Variants in IGSF11 observed in about 807,000 individuals in gnomAD.
The protein encoded by IGSF11 is CXADR like 1.
In IGSF11, 22 loss-of-function variants were observed where a neutral mutation model predicts 41.0. That is an observed-to-expected ratio of 0.54 (90% CI 0.38 to 0.77). The LOEUF is 0.77. Among genes scored for constraint, IGSF11 ranks in the 30% least tolerant of loss-of-function variants. The pLI, the probability that IGSF11 is intolerant of heterozygous loss-of-function variation, is 0.00. For missense variants in IGSF11, 444 were observed against 530.8 expected (o/e 0.84, Z 1.61); for synonymous variants, 219 against 201.3 (o/e 1.09, Z -0.74).
In IGSF11 at chr3:119,044,977, A is replaced by G. The variant is rs143539638; in HGVS notation, c.49+60167T>C. Among the ~76,000 whole-genome samples the G allele has an allele frequency of 3.6e-3, 542 of 152,354 alleles. 2 individuals are homozygous for G. The highest frequency in any genetic ancestry group is 5.9e-3 in the Non-Finnish European group (401 of 68,032). ...TTAAAGCACAAATCTCACAGGACCTATAAAACAATAACACAGTTAAAAAAA... is the reference window on the plus strand; with the variant it reads ...TTAAAGCACAAATCTCACAGGACCTGTAAAACAATAACACAGTTAAAAAAA... On this transcript the variant is annotated intron_variant, in intron 1 of 6. Coordinates refer to the IGSF11 transcript ENST00000354673.
chr3:118,998,715 TTTTTA>T (rs1384066151), intron 1 of IGSF11, among the ~76,000 whole-genome samples: 1 of 151,950 alleles, frequency 6.6e-6, no homozygotes, highest in African/African-American at 2.4e-5. Flanking sequence ...CAGACTAAGG[TTTTTA>T]TTTATTTTTG....
intron 1 of IGSF11, among the ~76,000 whole-genome samples, chr3:118,954,540 T>A (rs1406045762): frequency 1.3e-5 from 2 of 152,118 alleles, no homozygotes; most frequent in African/African-American, 4.8e-5. Flanking sequence ...TTTGACTTCC[T>A]CCTATGACAA....
At chr3:119,044,000 G>C (rs1941220073) in intron 1 of IGSF11, among the ~76,000 whole-genome samples, 3 of 152,064 alleles carry the variant, frequency 2.0e-5, no homozygotes, top group African/African-American at 7.2e-5. Flanking sequence ...GACAAAACAA[G>C]GTTCTATTAA....
chr3:119,042,515 G>T (rs1941156630), intron 1 of IGSF11, among the ~76,000 whole-genome samples: 1 of 152,108 alleles, frequency 6.6e-6, no homozygotes, highest in African/African-American at 2.4e-5. Context: ...CACTTCCCTG[G>T]TGACCTGTAT....
intron 1 of IGSF11, among the ~76,000 whole-genome samples, chr3:119,016,893 C>A (rs1938751692): frequency 6.6e-6 from 1 of 152,044 alleles, no homozygotes; most frequent in African/African-American, 2.4e-5. Context: ...TCTAACCTGA[C>A]AATACAATTA....
At chr3:119,093,641 TA>T (rs1019460468) in intron 1 of IGSF11, among the ~76,000 whole-genome samples, 8 of 152,212 alleles carry the variant, frequency 5.3e-5, no homozygotes, top group Non-Finnish European at 2.9e-5. Context: ...GATATTTTCA[TA>T]AAGCTTTGAC....
chr3:119,041,852 A>T (rs1941130276), intron 1 of IGSF11, among the ~76,000 whole-genome samples: 1 of 152,212 alleles, frequency 6.6e-6, no homozygotes, highest in African/African-American at 2.4e-5. Flanking sequence ...TTATCAGCAG[A>T]TTTCACCAAA....
chr3:119,047,471 A>G (rs537452685), intron 1 of IGSF11, among the ~76,000 whole-genome samples: 3 of 152,330 alleles, frequency 2.0e-5, no homozygotes, highest in African/African-American at 7.2e-5. Context: ...TATGCACCCA[A>G]TACAGGAGCA....
In IGSF11 at chr3:118,926,060, CATG is replaced by C. The variant is rs1204091523; in HGVS notation, c.580+38_580+40del. The C allele has an allele frequency of 4.4e-6, 6 of 1,370,606 alleles. No individual in the cohort carries two copies. In the African/African-American group the frequency reaches 8.8e-5, roughly 20 times the overall value. 84.9% of individuals were successfully genotyped at this position (1,370,606 alleles called of 1,614,324 possible). The stretch of plus-strand genomic sequence containing the variant: ...TTACTTTTTGAATATTAGAATTGTC[CATG>C]ATAACTAATAAAATGGGTAAAGCAG... On this transcript the variant is annotated intron_variant, in intron 4 of 6. Transcript: ENST00000393775.
intron 1 of IGSF11, among the ~76,000 whole-genome samples, chr3:118,933,246 T>C (rs995751949): frequency 1.3e-5 from 2 of 152,206 alleles, no homozygotes; most frequent in Non-Finnish European, 2.9e-5. Flanking sequence ...TACTTTCATC[T>C]ATTTAGCTGC....
chr3:119,133,162 G>A (rs927301021), intron 1 of IGSF11, among the ~76,000 whole-genome samples: 1 of 152,008 alleles, frequency 6.6e-6, no homozygotes, highest in Non-Finnish European at 1.5e-5. Flanking sequence ...AAGAACTAGA[G>A]AAGCAAGAGC....
chr3:118,922,108 C>G (rs1158495843), intron 4 of IGSF11, among the ~76,000 whole-genome samples: 1 of 151,526 alleles, frequency 6.6e-6, no homozygotes, highest in Non-Finnish European at 1.5e-5. Flanking sequence ...CCCAATGGAA[C>G]AATTTATTTT....
At chr3:118,917,539 C>G (rs1458771327) in intron 4 of IGSF11, among the ~76,000 whole-genome samples, 23 of 129,752 alleles carry the variant, frequency 1.8e-4, no homozygotes, top group Admixed American at 8.7e-4. Flanking sequence ...CACATACACT[C>G]TCCCAAGACT....
At chr3:119,131,911 A>G (rs187568092) in intron 1 of IGSF11, among the ~76,000 whole-genome samples, 5 of 152,328 alleles carry the variant, frequency 3.3e-5, no homozygotes, top group East Asian at 1.9e-4. Flanking sequence ...ACTCTTGAAG[A>G]AAAGAATTTT....
intron 1 of IGSF11, among the ~76,000 whole-genome samples, chr3:119,116,929 A>C (rs1485869294): frequency 6.6e-6 from 1 of 151,700 alleles, no homozygotes; most frequent in Non-Finnish European, 1.5e-5. Flanking sequence ...GACCCCCATG[A>C]TTTCATCTCT....
At chr3:118,913,795 T>A (rs574109175) in intron 4 of IGSF11, among the ~76,000 whole-genome samples, 20 of 152,058 alleles carry the variant, frequency 1.3e-4, no homozygotes, top group Non-Finnish European at 2.9e-4. Context: ...AAAATGGGGA[T>A]GATTAATAAG....
chr3:118,956,955 T>C (rs1945004424), intron 1 of IGSF11, among the ~76,000 whole-genome samples: 2 of 151,962 alleles, frequency 1.3e-5, no homozygotes, highest in African/African-American at 2.4e-5. Context: ...GTGAGTGTGT[T>C]GTGGGGCAGG....
intron 1 of IGSF11, among the ~76,000 whole-genome samples, chr3:119,118,596 C>A (rs189658212): frequency 3.3e-5 from 5 of 152,348 alleles, no homozygotes; most frequent in African/African-American, 1.2e-4. Flanking sequence ...GAGACACTTT[C>A]CCCATTGTCT....
At chr3:119,017,039 C>CAAAAAAA (rs60190891) in intron 1 of IGSF11, among the ~76,000 whole-genome samples, 8 of 88,332 alleles carry the variant, frequency 9.1e-5, no homozygotes, top group Admixed American at 1.1e-4. Context: ...GGACGCAGGA[C>CAAAAAAA]AAAAAAAAAA....
Sources: gnomAD v4.1 joint callset for allele counts (sites outside exome capture counted in the v4.1 genomes callset) on GRCh38, gnomAD v4.1.1 for gene constraint, MANE v1.5 for transcripts, NCBI Gene and HGNC (gene_info 2026-07-23, HGNC 2026-07-21) for gene names.